Variants in RHCE observed in about 807,000 individuals in gnomAD.
RHCE encodes blood group Rh(CE) polypeptide.
RHCE carries 22 observed loss-of-function variants against 43.8 expected under a neutral mutation model. The observed-to-expected ratio is 0.50, with a 90% CI of 0.36 to 0.72. The LOEUF is 0.72. Ranked by LOEUF, RHCE falls within the 30% of genes least tolerant of loss-of-function variation. RHCE has a pLI of 0.00. For missense variants in RHCE, 385 were observed against 525.4 expected (o/e 0.73, Z 2.61); for synonymous variants, 156 against 210.7 (o/e 0.74, Z 2.25).
At chr1:25,401,829 T>C (rs1484360025) in intron 3 of RHCE, among the ~76,000 whole-genome samples, 1 of 152,222 alleles carries the variant, frequency 6.6e-6, no homozygotes, top group Non-Finnish European at 1.5e-5. Context: ...CACACTTTTG[T>C]AACCTCATTT....
intron 8 of RHCE, among the ~76,000 whole-genome samples, chr1:25,371,484 C>A (rs1645610733): frequency 6.6e-6 from 1 of 151,562 alleles, no homozygotes; most frequent in Admixed American, 6.6e-5. Flanking sequence ...AACCCCCCCA[C>A]CTCAGCCTCC....
chr1:25,397,514 C>A (rs630337), intron 3 of RHCE, among the ~76,000 whole-genome samples: 34 of 143,790 alleles, frequency 2.4e-4, no homozygotes, highest in African/African-American at 7.5e-4. Flanking sequence ...AAAAAAAAAA[C>A]TTCCCATATT....
chr1:25,387,198 T>C (rs1268496518), intron 6 of RHCE, among the ~76,000 whole-genome samples: 4 of 152,250 alleles, frequency 2.6e-5, no homozygotes, highest in African/African-American at 9.6e-5. Flanking sequence ...TTCTTACCAA[T>C]AAGCTTTCAT....
Position 25,392,175 on chromosome 1 carries a change from G to A in RHCE, c.487-34C>T, listed in dbSNP as rs188935839. ...AAACCCAGTAAGAGCAGTGAGTGTCGGCATCCTCTGCCCAGGGGAAAGCCC... is the reference window on the plus strand; with the variant it reads ...AAACCCAGTAAGAGCAGTGAGTGTCAGCATCCTCTGCCCAGGGGAAAGCCC... On this transcript the variant is annotated intron_variant, in intron 3 of 9. Coordinates refer to ENST00000294413, the MANE Select transcript of RHCE (RefSeq NM_020485.8). The A allele has an allele frequency of 4.5e-5, 72 of 1,613,880 alleles. 1 individual carries two copies. In the African/African-American group the frequency reaches 7.2e-4, roughly 16 times the overall value.
At chr1:25,401,028 C>T (rs1646722342) in intron 3 of RHCE, among the ~76,000 whole-genome samples, 1 of 152,202 alleles carries the variant, frequency 6.6e-6, no homozygotes, top group Non-Finnish European at 1.5e-5. Context: ...TCTCTTGCCC[C>T]TTCAGTCTTT....
rs576257610 is a variant in RHCE at position 25,410,244 on chromosome 1, G to C, written c.149-1375C>G. Among the ~76,000 whole-genome samples the C allele has an allele frequency of 3.1e-4, 47 of 152,110 alleles. 1 individual carries two copies. The highest frequency in any genetic ancestry group is 1.1e-3 in the African/African-American group (47 of 41,440). On this transcript the variant is annotated intron_variant, in intron 1 of 9. Transcript: ENST00000294413. ...ATAATCTGCTGGAGCCTGTGCCTTG[G>C]ACTACCACACCATCTGCCCTCCCTC... is the stretch of plus-strand genomic sequence containing the variant.
At chr1:25,400,454 T>A (rs2124467525) in intron 3 of RHCE, among the ~76,000 whole-genome samples, 1 of 151,118 alleles carries the variant, frequency 6.6e-6, no homozygotes, top group South Asian at 2.1e-4. Flanking sequence ...CAAGCACAAT[T>A]CTGTCTCCTT....
intron 4 of RHCE, among the ~76,000 whole-genome samples, chr1:25,391,655 AT>A (rs1557618690): frequency 6.6e-6 from 1 of 152,096 alleles, no homozygotes; most frequent in African/African-American, 2.4e-5. Context: ...CATTATTACT[AT>A]TCCCACCCTT....
chr1:25,428,229 A>G (rs2042819445), intron 2 of RHCE, among the ~76,000 whole-genome samples: 1 of 152,202 alleles, frequency 6.6e-6, no homozygotes, highest in African/African-American at 2.4e-5. Context: ...TCTCTGGCCC[A>G]GGTAATCTGG....
intron 3 of RHCE, 61 bp from the exon 4 acceptor site, chr1:25,392,202 G>A: frequency 6.2e-7 from 1 of 1,613,076 alleles, no homozygotes; most frequent in Non-Finnish European, 8.5e-7. Flanking sequence ...GGAAAGCCCT[G>A]ATGGTCCTTG....
intron 8 of RHCE, among the ~76,000 whole-genome samples, chr1:25,372,376 G>A (rs772118112): frequency 8.4e-4 from 128 of 151,616 alleles, no homozygotes; most frequent in Non-Finnish European, 2.6e-4. Context: ...AAAATTAGCC[G>A]GGCGTGGTGG....
In RHCE at chr1:25,385,741, A is replaced by G. The variant is rs776947889; in HGVS notation, c.1043T>C (p.Val348Ala). The change falls in exon 7 of 10, where the codon GTG becomes GCG. Residue 348 changes from valine (V) to alanine (A), a missense_variant. This residue lies in a region of RHCE where 82 missense variants were observed against 69.2 expected (regional missense o/e 1.18). Transcript: ENST00000294413. ...ATTGCCGTTCCAGACAGTATGAAGC[A>G]CCAGCAGCACAATGTAGGTGATCTC... Reference protein sequence around the residue: ...LGEITYIVLLVLHTVWNGNGM... With the variant: ...LGEITYIVLLALHTVWNGNGM... The G allele has an allele frequency of 1.9e-6, 3 of 1,613,986 alleles. No homozygotes were observed. Among genetic ancestry groups the G allele is most frequent in the East Asian group, 2.2e-5 (1 of 44,816 alleles).
At position 25,411,856 on chromosome 1, in the gene RHCE, A is replaced by G. The variant is rs528263818; in HGVS notation, c.149-2987T>C. Among the ~76,000 whole-genome samples the G allele has an allele frequency of 4.5e-4, 68 of 152,326 alleles. 1 individual carries two copies. In the South Asian group the frequency reaches 0.014, roughly 31 times the overall value. ...CTGCATGCCCCACTTCAGATATGCA[A>G]ATCCAACCTTTTATTAAACACGATT... is the stretch of plus-strand genomic sequence containing the variant. On this transcript the variant is annotated intron_variant, in intron 1 of 9. Transcript: ENST00000294413.
At chr1:25,422,931 C>A (rs2124555683), upstream of RHCE, among the ~76,000 whole-genome samples, 1 of 152,296 alleles carries the variant, frequency 6.6e-6, no homozygotes, top group African/African-American at 2.4e-5. Flanking sequence ...AATGCCGCTG[C>A]TGATCTGACA....
intron 7 of RHCE, chr1:25,385,350 C>A: frequency 2.6e-6 from 1 of 382,838 alleles, no homozygotes; most frequent in South Asian, 2.1e-5. Flanking sequence ...GCCGCATGCC[C>A]AGCTAGTACG....
intron 7 of RHCE, among the ~76,000 whole-genome samples, chr1:25,379,239 A>G (rs1167097814): frequency 1.3e-5 from 2 of 151,672 alleles, no homozygotes; most frequent in African/African-American, 4.8e-5. Flanking sequence ...CTTGTAAGCC[A>G]CCAGTCTCAT....
rs556929050 is a variant in RHCE, at chr1:25,397,357, C to T, written c.487-5216G>A. On this transcript the variant is annotated intron_variant, in intron 3 of 9. Transcript: ENST00000294413. ...ACTAAAAATACAAAAGTAAGCCAGG[C>T]GTGGTGGTGTGTGCCTGTAATCTCA... 9.3e-5 allele frequency among the ~76,000 whole-genome samples: 14 copies of T among 150,868 alleles called. No homozygotes were observed. In the South Asian group the frequency reaches 2.3e-3, roughly 25 times the overall value.
At chr1:25,425,228 T>A (rs551264949), upstream of RHCE, among the ~76,000 whole-genome samples, 1 of 152,358 alleles carries the variant, frequency 6.6e-6, no homozygotes, top group Non-Finnish European at 1.5e-5. Flanking sequence ...AAGTCCATAG[T>A]AGGTGCTCAA....
intron 9 of RHCE, among the ~76,000 whole-genome samples, chr1:25,369,010 C>T (rs1004033290): frequency 6.6e-6 from 1 of 151,820 alleles, no homozygotes; most frequent in Non-Finnish European, 1.5e-5. Flanking sequence ...ATCCACCCGC[C>T]TTGGCCTCCC....
Sources: allele counts gnomAD v4.1 joint callset (sites outside exome capture counted in the v4.1 genomes callset), GRCh38; gene constraint gnomAD v4.1.1; regional missense constraint gnomAD v4.1.1; transcripts MANE v1.5; gene names NCBI Gene and HGNC (gene_info 2026-07-23, HGNC 2026-07-21).